The following CHCHD6 variants were observed in gnomAD, a reference collection of about 807,000 sequenced individuals.
CHCHD6 encodes the protein MICOS complex subunit MIC25.
CHCHD6 carries 28 observed loss-of-function variants against 32.3 expected under a neutral mutation model. The observed-to-expected ratio is 0.87, with a 90% CI of 0.64 to 1.19. The LOEUF is 1.19. CHCHD6 is among the 50% of genes most tolerant of loss of function. The probability of loss-of-function intolerance (pLI) is 0.00; values close to 1 mark genes in which losing one functional copy is unlikely to be tolerated. For synonymous variants in CHCHD6, 122 were observed against 117.5 expected, an observed-to-expected ratio of 1.04 and a Z score of -0.25; for missense variants, 333 against 307.0, an observed-to-expected ratio of 1.08 and a Z score of -0.63.
intron 6 of CHCHD6, among the ~76,000 whole-genome samples, chr3:126,941,045 C>G (rs888922041): frequency 6.6e-6 from 1 of 152,090 alleles, no homozygotes; most frequent in Non-Finnish European, 1.5e-5. Context: ...TTTTTGTTGC[C>G]AATTTTTCTA....
chr3:126,824,751 G>C (rs1940315549), intron 4 of CHCHD6, among the ~76,000 whole-genome samples: 1 of 151,406 alleles, frequency 6.6e-6, no homozygotes, highest in Non-Finnish European at 1.5e-5. Flanking sequence ...GGTAATTTTT[G>C]TATTTTTAGC....
At chr3:126,941,083 C>T (rs1295390462) in intron 6 of CHCHD6, among the ~76,000 whole-genome samples, 1 of 152,156 alleles carries the variant, frequency 6.6e-6, no homozygotes, top group African/African-American at 2.4e-5. Flanking sequence ...ATTACAAAGA[C>T]CTTTCCACCC....
chr3:126,844,625 C>G (rs182124244), intron 4 of CHCHD6, among the ~76,000 whole-genome samples: 131 of 152,200 alleles, frequency 8.6e-4, no homozygotes, highest in Middle Eastern at 3.4e-3. Flanking sequence ...ATTAATAACA[C>G]GAAGTTAGGA....
At chr3:126,865,843 A>G (rs1942270845) in intron 5 of CHCHD6, 1 of 720,860 alleles carries the variant, frequency 1.4e-6, no homozygotes, top group Non-Finnish European at 1.7e-6. Context: ...GGAAGCAGAA[A>G]CTGCAACCTC....
At chr3:126,945,732 TGGGGAGACTCGG>T (rs2078627547) in intron 6 of CHCHD6, among the ~76,000 whole-genome samples, 1 of 24,948 alleles carries the variant, frequency 4.0e-5, no homozygotes, top group Non-Finnish European at 8.1e-5. Flanking sequence ...TAGGGAGACA[TGGGGAGACTCGG>T]GGGGAGACTT....
At chr3:126,947,620 G>A (rs71327780) in intron 6 of CHCHD6, among the ~76,000 whole-genome samples, 1 of 152,160 alleles carries the variant, frequency 6.6e-6, no homozygotes, top group Non-Finnish European at 1.5e-5. Context: ...TGCAGAACGG[G>A]GTGGGAAGGC....
intron 6 of CHCHD6, among the ~76,000 whole-genome samples, chr3:126,947,345 C>T (rs560079920): frequency 1.6e-4 from 24 of 152,356 alleles, no homozygotes; most frequent in Non-Finnish European, 2.9e-4. Context: ...CCCGGCTGCC[C>T]AATGGGAGTT....
rs569683579 is a variant in CHCHD6, at chr3:126,931,095, G to A, written c.566+16345G>A. Among the ~76,000 whole-genome samples, 7 of 152,304 alleles carry A rather than the reference G, an allele frequency of 4.6e-5. No homozygotes were observed. The East Asian group carries it at 1.4e-3, about 29-fold the overall frequency. On this transcript the variant is annotated intron_variant, in intron 6 of 7. Transcript: ENST00000290913. ...CTCTCTTCCTGCTCTGTGGGGGCAG[G>A]CCTTGGTGGAGCAGGGCGCCAAGGG...
intron 5 of CHCHD6, among the ~76,000 whole-genome samples, chr3:126,899,779 C>T (rs924096032): frequency 3.3e-5 from 5 of 152,142 alleles, no homozygotes; most frequent in Non-Finnish European, 4.4e-5. Flanking sequence ...GCAGTGCAGC[C>T]GAGAGGAAAA....
intron 4 of CHCHD6, among the ~76,000 whole-genome samples, chr3:126,800,083 TCC>T (rs1938993003): frequency 6.6e-6 from 1 of 152,236 alleles, no homozygotes; most frequent in Non-Finnish European, 1.5e-5. Flanking sequence ...TCTACATCTT[TCC>T]TTCTTTTGTC....
At chr3:126,912,431 C>T (rs2078104589) in intron 5 of CHCHD6, among the ~76,000 whole-genome samples, 1 of 151,936 alleles carries the variant, frequency 6.6e-6, no homozygotes, top group East Asian at 1.9e-4. Context: ...ACTGGAGCCC[C>T]CTTGCTGGGC....
At chr3:126,951,981 A>G (rs1333964709) in intron 6 of CHCHD6, among the ~76,000 whole-genome samples, 1 of 152,198 alleles carries the variant, frequency 6.6e-6, no homozygotes, top group Non-Finnish European at 1.5e-5. Flanking sequence ...TTTTGTTTTA[A>G]GGAAAAACAG....
intron 5 of CHCHD6, among the ~76,000 whole-genome samples, chr3:126,914,074 G>C (rs538658320): frequency 2.0e-5 from 3 of 152,176 alleles, no homozygotes; most frequent in Non-Finnish European, 2.9e-5. Context: ...TTGCTGTTCC[G>C]ATGAGTAGGG....
intron 6 of CHCHD6, among the ~76,000 whole-genome samples, chr3:126,920,366 A>C (rs996104131): frequency 2.0e-5 from 3 of 151,360 alleles, no homozygotes; most frequent in African/African-American, 7.3e-5. Flanking sequence ...TATATGTCTG[A>C]TAATTCTTGA....
At chr3:126,955,481 G>T (rs1457869724) in intron 6 of CHCHD6, among the ~76,000 whole-genome samples, 1 of 152,248 alleles carries the variant, frequency 6.6e-6, no homozygotes, top group Non-Finnish European at 1.5e-5. Flanking sequence ...TGGCTAGGAT[G>T]GGGTGGAATT....
intron 4 of CHCHD6, among the ~76,000 whole-genome samples, chr3:126,750,127 C>A (rs558708925): frequency 6.6e-6 from 1 of 152,152 alleles, no homozygotes. Flanking sequence ...CAAAACATTG[C>A]GCAATTGGGA....
intron 5 of CHCHD6, among the ~76,000 whole-genome samples, chr3:126,903,672 C>G (rs1333301472): frequency 4.7e-4 from 71 of 152,216 alleles, no homozygotes; most frequent in Admixed American, 4.6e-3. Context: ...AGCCTTTGTG[C>G]AGATAGTGGT....
chr3:126,834,759 C>A (rs1242934027), intron 4 of CHCHD6, among the ~76,000 whole-genome samples: 2 of 152,148 alleles, frequency 1.3e-5, no homozygotes, highest in African/African-American at 4.8e-5. Flanking sequence ...AGGACAGCTT[C>A]CTACTTGGAA....
At chr3:126,761,666 ATTCTCCTGCC>A (rs1311007645) in intron 4 of CHCHD6, among the ~76,000 whole-genome samples, 3 of 152,052 alleles carry the variant, frequency 2.0e-5, no homozygotes, top group Non-Finnish European at 1.5e-5. Context: ...GCTTTAAGTG[ATTCTCCTGCC>A]TTGGCCTCCT....
Sources: allele counts gnomAD v4.1 joint callset (sites outside exome capture counted in the v4.1 genomes callset), GRCh38; gene constraint gnomAD v4.1.1; transcripts MANE v1.5; gene names NCBI Gene and HGNC (gene_info 2026-07-23, HGNC 2026-07-21).